The following HMCN1 variants were observed in gnomAD, a reference collection of about 807,000 sequenced individuals.
HMCN1 encodes hemicentin 1.
HMCN1 carries 321 observed loss-of-function variants against 625.9 expected under a neutral mutation model. The ratio of observed to expected loss-of-function variants is 0.51; its 90% CI spans 0.47 to 0.56. The LOEUF (loss-of-function observed/expected upper bound fraction) is 0.56, where lower values mean the gene tolerates loss of function less well. Among genes scored for constraint, HMCN1 ranks in the 20% least tolerant of loss-of-function variants. The pLI is 0.00. For missense variants in HMCN1, 6,588 were observed against 6,887.3 expected (o/e 0.96, Z 1.54); for synonymous variants, 2,425 against 2,417.6 (o/e 1.00, Z -0.09).
intron 97 of HMCN1, among the ~76,000 whole-genome samples, chr1:186,159,925 G>A (rs1385806773): frequency 2.0e-5 from 3 of 152,140 alleles, no homozygotes; most frequent in Non-Finnish European, 2.9e-5. Flanking sequence ...TCAGGGTGAT[G>A]CTGGCCTCAT....
At chr1:186,073,284 C>T (rs1658584926) in intron 52 of HMCN1, among the ~76,000 whole-genome samples, 1 of 152,108 alleles carries the variant, frequency 6.6e-6, no homozygotes, top group Non-Finnish European at 1.5e-5. Flanking sequence ...GCATGAATGT[C>T]ATTGGTGACC....
chr1:185,809,068 C>T (rs1033890883), intron 1 of HMCN1, among the ~76,000 whole-genome samples: 2 of 152,130 alleles, frequency 1.3e-5, no homozygotes, highest in African/African-American at 4.8e-5. Flanking sequence ...TGATAGTATT[C>T]GGTGTAGTAC....
intron 24 of HMCN1, 80 bp downstream of exon 24, chr1:185,995,167 G>A (rs991257802): frequency 3.2e-5 from 41 of 1,299,434 alleles, no homozygotes; most frequent in Admixed American, 2.0e-4. Context: ...GATTATCTTC[G>A]ATAATCTTAA....
At chr1:186,163,276 G>A (rs1651639858) in intron 97 of HMCN1, among the ~76,000 whole-genome samples, 1 of 152,194 alleles carries the variant, frequency 6.6e-6, no homozygotes, top group Non-Finnish European at 1.5e-5. Context: ...CAGTATTCGG[G>A]TGGGAGTGAC....
intron 1 of HMCN1, among the ~76,000 whole-genome samples, chr1:185,803,461 T>C (rs974257079): frequency 3.9e-5 from 6 of 152,074 alleles, no homozygotes; most frequent in African/African-American, 1.4e-4. Flanking sequence ...GAAAGATCCA[T>C]TATTTTTTCT....
intron 6 of HMCN1, among the ~76,000 whole-genome samples, chr1:185,913,829 C>G (rs1269937154): frequency 1.3e-5 from 2 of 152,136 alleles, no homozygotes; most frequent in Admixed American, 6.6e-5. Context: ...TTCTGTGCTA[C>G]TTACTTAATG....
chr1:186,037,137 T>C (rs1367053680), intron 36 of HMCN1, among the ~76,000 whole-genome samples: 1 of 152,072 alleles, frequency 6.6e-6, no homozygotes, highest in African/African-American at 2.4e-5. Flanking sequence ...TAGTTAAATG[T>C]AGCAAATCCT....
At chr1:186,119,167 T>G (rs1474866247) in intron 77 of HMCN1, 24 bp from the exon 78 acceptor site, 1 of 1,563,168 alleles carries the variant, frequency 6.4e-7, no homozygotes, top group Non-Finnish European at 8.8e-7. Context: ...CAGTATATAT[T>G]AAAACATTTT....
At chr1:185,948,157 T>C (rs1668440323) in intron 11 of HMCN1, among the ~76,000 whole-genome samples, 1 of 152,224 alleles carries the variant, frequency 6.6e-6, no homozygotes, top group African/African-American at 2.4e-5. Flanking sequence ...AAAACACATT[T>C]ACAGGCTATA....
At chr1:185,830,047 T>A (rs970435963) in intron 1 of HMCN1, among the ~76,000 whole-genome samples, 1 of 152,230 alleles carries the variant, frequency 6.6e-6, no homozygotes, top group African/African-American at 2.4e-5. Flanking sequence ...AATGTCTTCT[T>A]TGGAGAAGTG....
At chr1:185,983,082 A>T (rs1651763044) in intron 18 of HMCN1, among the ~76,000 whole-genome samples, 1 of 152,084 alleles carries the variant, frequency 6.6e-6, no homozygotes, top group Non-Finnish European at 1.5e-5. Context: ...CATTTTATAT[A>T]TCAATCTTTA....
intron 71 of HMCN1, among the ~76,000 whole-genome samples, chr1:186,109,878 C>G (rs111682701): frequency 6.6e-6 from 1 of 152,156 alleles, no homozygotes; most frequent in Non-Finnish European, 1.5e-5. Flanking sequence ...CCCTTTCATG[C>G]TCTGACTTTG....
rs901405604 is a variant in HMCN1 at position 185,761,612 on chromosome 1, A to G, written c.268+26565A>G. 2.6e-5 allele frequency among the ~76,000 whole-genome samples: 4 copies of G among 152,192 alleles called. No individual in the cohort carries two copies. The East Asian group carries it at 7.7e-4, about 29-fold the overall frequency. ...GTAAAGTAAATGAAACATTGCTAAA[A>G]TGACAACTGTATTTTATCTAGACTA... On this transcript the variant is annotated intron_variant, in intron 1 of 106. Transcript: ENST00000271588.
chr1:185,807,532 T>A (rs753769843), intron 1 of HMCN1, among the ~76,000 whole-genome samples: 2 of 152,216 alleles, frequency 1.3e-5, no homozygotes, highest in Non-Finnish European at 2.9e-5. Context: ...CATATTAGCA[T>A]ACACATATAT....
chr1:185,844,766 C>A (rs555188240), intron 1 of HMCN1, among the ~76,000 whole-genome samples: 2 of 152,156 alleles, frequency 1.3e-5, no homozygotes, highest in Non-Finnish European at 2.9e-5. Flanking sequence ...CATGGATTCT[C>A]TCTGGGGAAA....
At chr1:185,814,716 C>T (rs1280436807) in intron 1 of HMCN1, among the ~76,000 whole-genome samples, 3 of 146,988 alleles carry the variant, frequency 2.0e-5, no homozygotes, top group African/African-American at 5.3e-5. Context: ...TTTTGAGATG[C>T]AGTATCACTC....
intron 4 of HMCN1, among the ~76,000 whole-genome samples, chr1:185,892,580 T>G (rs144797056): frequency 0.063 from 9,588 of 152,100 alleles, 1,048 homozygotes; most frequent in African/African-American, 0.22. Context: ...GTGTGAGGTG[T>G]CAGTGTGCCC....
At chr1:185,841,806 C>A (rs1661493818) in intron 1 of HMCN1, among the ~76,000 whole-genome samples, 1 of 152,154 alleles carries the variant, frequency 6.6e-6, no homozygotes, top group South Asian at 2.1e-4. Context: ...TATGTCTATC[C>A]TACCTACCCT....
chr1:185,999,128 TTA>T (rs59559213), intron 25 of HMCN1, among the ~76,000 whole-genome samples: 13,883 of 151,486 alleles, frequency 0.092, 1,652 homozygotes, highest in African/African-American at 0.28. Context: ...TGCTATTCTT[TTA>T]TATATATATA....
Sources: gnomAD v4.1 joint callset for allele counts (sites outside exome capture counted in the v4.1 genomes callset) on GRCh38, gnomAD v4.1.1 for gene constraint, MANE v1.5 for transcripts, NCBI Gene and HGNC (gene_info 2026-07-23, HGNC 2026-07-21) for gene names.